Variants in NOL7 observed in about 807,000 individuals in gnomAD.
NOL7 encodes the protein U3 small nucleolar RNA-associated protein NOL7.
A neutral mutation model predicts 38.4 loss-of-function variants in NOL7; 36 were observed. That is an observed-to-expected ratio of 0.94 (90% confidence interval 0.72 to 1.24). The LOEUF is 1.24. NOL7 is among the 50% of genes most tolerant of loss of function. The pLI, the probability that NOL7 is intolerant of heterozygous loss-of-function variation, is 0.00. For synonymous variants in NOL7, 142 were observed against 126.5 expected, an observed-to-expected ratio of 1.12 and a Z score of -0.82; for missense variants, 350 against 315.1, an observed-to-expected ratio of 1.11 and a Z score of -0.84.
rs533934662 is a variant in NOL7 at position 13,628,684 on chromosome 6, T to C, written n.574-3709T>C. On this transcript the variant is annotated intron_variant and non_coding_transcript_variant, in intron 8 of 8. Transcript: ENST00000474485. Reference sequence around the variant, plus strand: ...GTCGTAAACATCTAGGACTTGATTCTTTCTTCACAAAGGAAAATGAATGAA... The same window carrying C: ...GTCGTAAACATCTAGGACTTGATTCCTTCTTCACAAAGGAAAATGAATGAA... Among the ~76,000 whole-genome samples the C allele has an allele frequency of 5.0e-4, 76 of 152,354 alleles. 4 individuals are homozygous for C. In the South Asian group the frequency reaches 0.016, roughly 31 times the overall value.
chr6:13,623,089 A>C (rs1172048301), downstream of NOL7, among the ~76,000 whole-genome samples: 4 of 152,336 alleles, frequency 2.6e-5, no homozygotes, highest in South Asian at 4.1e-4. Context: ...ACATTTAAAA[A>C]AATGCCAATA....
intron 2 of NOL7, 39 bp downstream of exon 2, chr6:13,615,811 C>T (rs377581099): frequency 3.2e-6 from 5 of 1,577,726 alleles, no homozygotes; most frequent in South Asian, 1.2e-5. Context: ...TAAAACAACT[C>T]GGCTCAGGGA....
At chr6:13,629,066 G>A (rs1212101491) in intron 8 of NOL7, among the ~76,000 whole-genome samples, 1 of 152,196 alleles carries the variant, frequency 6.6e-6, no homozygotes, top group Non-Finnish European at 1.5e-5. Flanking sequence ...TCCAACAACA[G>A]AGCAATGTTG....
Position 13,620,282 on chromosome 6 carries a change from C to T in NOL7, c.575C>T (p.Ala192Val), listed in dbSNP as rs374410374. ...GATTCAAGGCAACAAGCAGCACAAG[C>T]CTTCATACATAATTCATTATATGGG... Reference protein sequence around the residue: ...LRDSRQQAAQAFIHNSLYGPG... With the variant: ...LRDSRQQAAQVFIHNSLYGPG... The change falls in exon 6 of 8, where the codon GCC becomes GTC. Residue 192 changes from alanine to valine, a missense_variant. Physicochemically the swap from Ala to Val is moderately conservative, Grantham distance 64. Transcript: ENST00000451315. The T allele has an allele frequency of 2.5e-6, 4 of 1,614,070 alleles. No homozygotes were observed. The African/African-American group carries it at 4.0e-5, about 16-fold the overall frequency.
At chr6:13,617,715 G>A in intron 3 of NOL7, 55 bp from the exon 4 acceptor site, 1 of 1,546,136 alleles carries the variant, frequency 6.5e-7, no homozygotes, top group Non-Finnish European at 8.9e-7. Flanking sequence ...AATATAACAT[G>A]TTTTGAGTAA....
At chr6:13,623,999 C>A (rs907328432), downstream of NOL7, among the ~76,000 whole-genome samples, 1 of 152,136 alleles carries the variant, frequency 6.6e-6, no homozygotes, top group African/African-American at 2.4e-5. Flanking sequence ...AATATAACTT[C>A]AAAAAGACAT....
chr6:13,622,487 G>A (rs925616164), downstream of NOL7: 4 of 1,561,340 alleles, frequency 2.6e-6, no homozygotes, highest in African/African-American at 5.5e-5. Context: ...GGCAGATTGT[G>A]GGTTTCTGAG....
chr6:13,623,921 A>C (rs1444685918), downstream of NOL7, among the ~76,000 whole-genome samples: 1 of 152,136 alleles, frequency 6.6e-6, no homozygotes, highest in Non-Finnish European at 1.5e-5. Context: ...CAAGAAACTA[A>C]ATTGTAAGAA....
chr6:13,619,936 C>T (rs1764393996), intron 5 of NOL7, among the ~76,000 whole-genome samples: 1 of 152,152 alleles, frequency 6.6e-6, no homozygotes, highest in South Asian at 2.1e-4. Context: ...GCTGGTGGAT[C>T]ACAAGGTCAG....
At chr6:13,622,463 G>T, downstream of NOL7, 1 of 1,593,480 alleles carries the variant, frequency 6.3e-7, no homozygotes, top group Non-Finnish European at 8.5e-7. Flanking sequence ...GCTAGGGCAA[G>T]TGGAGGTTGC....
Position 13,618,251 on chromosome 6 carries a change from A to AT in NOL7, c.500+119dup, listed in dbSNP as rs372415242. The AT allele has an allele frequency of 7.2e-5, 25 of 347,824 alleles. No individual in the cohort carries two copies. The East Asian group carries it at 1.5e-3, about 20-fold the overall frequency. 21.5% of individuals were successfully genotyped at this position (347,824 alleles called of 1,614,324 possible). On this transcript the variant is annotated intron_variant, in intron 5 of 7. Coordinates refer to ENST00000451315, the MANE Select transcript of NOL7 (RefSeq NM_016167.5). ...TATTTTATTTTATTTTTATTTTTTTATTTTTTTGAGACGGAGTCTCGCTCT... is the reference window on the plus strand; with the variant it reads ...TATTTTATTTTATTTTTATTTTTTTATTTTTTTTGAGACGGAGTCTCGCTCT...
chr6:13,630,693 A>G (rs1764755251), intron 8 of NOL7, among the ~76,000 whole-genome samples: 2 of 152,272 alleles, frequency 1.3e-5, no homozygotes, highest in South Asian at 4.1e-4. Context: ...CTCTGACTAT[A>G]TAGTGGAATT....
In NOL7 at chr6:13,615,485, G is replaced by C; in HGVS notation, c.127G>C (p.Gly43Arg). ...HGLLLGQPSS[G>R]AAAEPLEEDE... ...GCTGTTGCTCGGGCAGCCCAGCAGC[G>C]GCGCGGCCGCCGAGCCCCTGGAGGA... Residue 43 changes from glycine to arginine, a missense_variant, in exon 1 of 8, where the codon GGC (glycine) becomes CGC (arginine). By Grantham distance (125) the Gly-to-Arg change is moderately radical. Transcript: ENST00000451315. 6.4e-7 allele frequency: 1 copy of C among 1,551,934 alleles called. No homozygotes were observed. Among genetic ancestry groups the C allele is most frequent in the Non-Finnish European group, 8.7e-7 (1 of 1,147,730 alleles).
chr6:13,618,910 A>T (rs1764360492), intron 5 of NOL7, among the ~76,000 whole-genome samples: 1 of 152,196 alleles, frequency 6.6e-6, no homozygotes, highest in South Asian at 2.1e-4. Context: ...ATCGGTTTTC[A>T]TAAAAAAATA....
chr6:13,620,545 T>G, intron 7 of NOL7, 60 bp downstream of exon 7: 1 of 1,483,742 alleles, frequency 6.7e-7, no homozygotes, highest in South Asian at 1.1e-5. Flanking sequence ...AATGTTCTTT[T>G]GAAGGAGATA....
At chr6:13,629,673 T>C (rs989567439) in intron 8 of NOL7, among the ~76,000 whole-genome samples, 6 of 152,058 alleles carry the variant, frequency 3.9e-5, no homozygotes, top group Non-Finnish European at 5.9e-5. Flanking sequence ...CCTACAACAA[T>C]GCCTCTCCAC....
chr6:13,624,633 A>G (rs1764548990), downstream of NOL7, among the ~76,000 whole-genome samples: 1 of 152,256 alleles, frequency 6.6e-6, no homozygotes, highest in Non-Finnish European at 1.5e-5. Context: ...ATTCATATAA[A>G]AAGTACTTGT....
rs190297039 is a variant in NOL7 at position 13,632,343 on chromosome 6, T to C, written n.574-50T>C. The C allele has an allele frequency of 1.6e-5, 25 of 1,603,110 alleles. No individual in the cohort carries two copies. In the African/African-American group the frequency reaches 2.8e-4, roughly 18 times the overall value. On this transcript the variant is annotated intron_variant and non_coding_transcript_variant, in intron 8 of 8. Transcript: ENST00000474485. ...CATTTTAGTTCCTCTGACATATTCA[T>C]AATTTTTCAAGAAAAAATATATTCA...
In NOL7 at chr6:13,616,481, G is replaced by C; in HGVS notation, c.346G>C (p.Asp116His). 6.2e-7 allele frequency: 1 copy of C among 1,608,270 alleles called. No homozygotes were observed. Among genetic ancestry groups the C allele is most frequent in the Non-Finnish European group, 8.5e-7 (1 of 1,177,434 alleles). Reference protein sequence around the residue: ...IEQKKRKLLPDTILEKLTTAS... With the variant: ...IEQKKRKLLPHTILEKLTTAS... ...CCAAAAGAAAAGAAAACTCCTTCCA[G>C]ACACTATTTTGGAGAAGTTAACCAC... Residue 116 changes from aspartate (D) to histidine (H), a missense_variant, in exon 3 of 8, where the codon GAC becomes CAC. Coordinates refer to ENST00000451315, the MANE Select transcript of NOL7 (RefSeq NM_016167.5).
Sources: allele counts gnomAD v4.1 joint callset (sites outside exome capture counted in the v4.1 genomes callset), GRCh38; gene constraint gnomAD v4.1.1; transcripts MANE v1.5; gene names NCBI Gene and HGNC (gene_info 2026-07-23, HGNC 2026-07-21).